The following EXOC4 variants were observed in gnomAD, a reference collection of about 807,000 sequenced individuals.
EXOC4 encodes the protein SEC8-like 1.
In EXOC4, 71 loss-of-function variants were observed where a neutral mutation model predicts 107.2. The observed-to-expected ratio is 0.66, with a 90% CI of 0.55 to 0.81. The LOEUF is 0.81. Among genes scored for constraint, EXOC4 ranks in the 30% least tolerant of loss-of-function variants. The pLI is 0.00. For missense variants in EXOC4, 1,108 were observed against 1,189.6 expected (o/e 0.93, Z 1.01); for synonymous variants, 456 against 441.2 (o/e 1.03, Z -0.42).
In EXOC4 at chr7:133,738,361, T is replaced by C. The variant is rs73150898; in HGVS notation, c.1515-78964T>C. ...ACATGAAGGCTAGAAAAATTAAATG[T>C]GTAGCCTCATTACCTTTGTGGTTAG... On this transcript the variant is annotated intron_variant, in intron 10 of 17. Coordinates refer to ENST00000253861, the MANE Select transcript of EXOC4 (RefSeq NM_021807.4). Among the ~76,000 whole-genome samples, 735 of 152,302 alleles carry C rather than the reference T, an allele frequency of 4.8e-3. 5 individuals are homozygous for C. The highest frequency in any genetic ancestry group is 0.01 in the Middle Eastern group (3 of 294).
At chr7:133,529,100 C>T (rs945555213) in intron 9 of EXOC4, among the ~76,000 whole-genome samples, 4 of 152,122 alleles carry the variant, frequency 2.6e-5, no homozygotes, top group Non-Finnish European at 4.4e-5. Flanking sequence ...TCGTTACCAC[C>T]TAGTGTTCTC....
chr7:133,487,879 G>A (rs1307922048), intron 9 of EXOC4, among the ~76,000 whole-genome samples: 2 of 151,986 alleles, frequency 1.3e-5, no homozygotes, highest in African/African-American at 4.8e-5. Flanking sequence ...TAACAGCTTT[G>A]CTCATCTTAT....
At chr7:134,071,513 G>A (rs912481367), downstream of EXOC4, among the ~76,000 whole-genome samples, 1 of 152,208 alleles carries the variant, frequency 6.6e-6, no homozygotes, top group African/African-American at 2.4e-5. Flanking sequence ...GGTGACAGGT[G>A]ACCACAGACA....
the EXOC4 span, among the ~76,000 whole-genome samples, chr7:134,086,006 G>T: frequency 6.6e-6 from 1 of 152,176 alleles, no homozygotes; most frequent in African/African-American, 2.4e-5. Flanking sequence ...TCGTACTGGA[G>T]CATTGAAAGT....
At chr7:133,623,519 C>T (rs1021632174) in intron 9 of EXOC4, among the ~76,000 whole-genome samples, 1 of 152,128 alleles carries the variant, frequency 6.6e-6, no homozygotes, top group African/African-American at 2.4e-5. Context: ...CCGGGAGAAA[C>T]TATCTTAGGC....
intron 9 of EXOC4, among the ~76,000 whole-genome samples, chr7:133,548,786 ATCT>A (rs1167224649): frequency 1.3e-5 from 2 of 152,158 alleles, no homozygotes; most frequent in Non-Finnish European, 2.9e-5. Flanking sequence ...GGTTGGTTTG[ATCT>A]TCTATCCAGA....
At chr7:133,571,463 T>G (rs1438769181) in intron 9 of EXOC4, among the ~76,000 whole-genome samples, 1 of 152,048 alleles carries the variant, frequency 6.6e-6, no homozygotes, top group African/African-American at 2.4e-5. Flanking sequence ...TCACCTGAGG[T>G]CAGGAGTTTG....
chr7:134,027,597 G>A (rs1426552168), intron 17 of EXOC4, among the ~76,000 whole-genome samples: 2 of 148,350 alleles, frequency 1.3e-5, no homozygotes, highest in Non-Finnish European at 3.0e-5. Flanking sequence ...GGTGGAGGTC[G>A]CAGTGAGCCG....
chr7:133,648,941 C>T (rs573267012), intron 10 of EXOC4, among the ~76,000 whole-genome samples: 1 of 152,206 alleles, frequency 6.6e-6, no homozygotes, highest in African/African-American at 2.4e-5. Flanking sequence ...CCATTTAGTG[C>T]CTTTAATATC....
At position 133,275,002 on chromosome 7, in the gene EXOC4, A is replaced by G. The variant is rs755136661; in HGVS notation, c.107A>G (p.Asp36Gly). 2.5e-6 allele frequency: 4 copies of G among 1,611,092 alleles called. No individual in the cohort carries two copies. The South Asian group carries it at 4.4e-5, about 18-fold the overall frequency. The change falls in exon 2 of 18, where the codon GAT becomes GGT. Residue 36 changes from aspartate to glycine, a missense_variant. Coordinates refer to ENST00000253861, the MANE Select transcript of EXOC4 (RefSeq NM_021807.4). ...ACCAGGACTCTGTCTACTAGTGACGATGTCGAAGACAGGGAAAATGAAAAG... is the reference window on the plus strand; with the variant it reads ...ACCAGGACTCTGTCTACTAGTGACGGTGTCGAAGACAGGGAAAATGAAAAG... The part of the protein sequence containing the change: ...SVIRTLSTSD[D>G]VEDRENEKGR...
chr7:133,908,323 CAG>C (rs1472743055), intron 12 of EXOC4, among the ~76,000 whole-genome samples: 1 of 152,204 alleles, frequency 6.6e-6, no homozygotes, highest in African/African-American at 2.4e-5. Context: ...GATGAAGAAA[CAG>C]AGGTTCAGGA....
chr7:133,315,748 C>G (rs1474249239), intron 4 of EXOC4, among the ~76,000 whole-genome samples: 2 of 152,124 alleles, frequency 1.3e-5, no homozygotes, highest in Non-Finnish European at 2.9e-5. Flanking sequence ...AGTTCAATTC[C>G]TGGTAAATGC....
chr7:133,330,090 G>A (rs1216257213), intron 5 of EXOC4, among the ~76,000 whole-genome samples: 1 of 152,152 alleles, frequency 6.6e-6, no homozygotes, highest in African/African-American at 2.4e-5. Context: ...CCTGACTGGG[G>A]CTGCTGCCTT....
intron 10 of EXOC4, among the ~76,000 whole-genome samples, chr7:133,686,212 C>A (rs1330926724): frequency 1.3e-5 from 2 of 152,176 alleles, no homozygotes; most frequent in African/African-American, 2.4e-5. Context: ...TGACCTTGGA[C>A]TTTCCAGCCT....
chr7:133,619,274 A>G (rs1027500599), intron 9 of EXOC4, among the ~76,000 whole-genome samples: 1 of 152,198 alleles, frequency 6.6e-6, no homozygotes, highest in Admixed American at 6.5e-5. Flanking sequence ...TCTCTTAGTC[A>G]TTTTGAGTTA....
intron 8 of EXOC4, among the ~76,000 whole-genome samples, chr7:133,477,124 C>T (rs11771148): frequency 0.48 from 72,599 of 151,954 alleles, 17,806 homozygotes; most frequent in East Asian, 0.61. Flanking sequence ...CTTGTATTAG[C>T]GTCTGTTTGT....
At chr7:133,676,395 A>G (rs1222390457) in intron 10 of EXOC4, among the ~76,000 whole-genome samples, 1 of 152,196 alleles carries the variant, frequency 6.6e-6, no homozygotes, top group Non-Finnish European at 1.5e-5. Flanking sequence ...GAAGAGCAAC[A>G]TAGAGTAGTT....
At chr7:133,684,334 G>A (rs1378448898) in intron 10 of EXOC4, among the ~76,000 whole-genome samples, 1 of 152,106 alleles carries the variant, frequency 6.6e-6, no homozygotes, top group Admixed American at 6.5e-5. Flanking sequence ...AAAATTGATG[G>A]TTTAAATATT....
intron 7 of EXOC4, among the ~76,000 whole-genome samples, chr7:133,473,279 T>C (rs1056988958): frequency 6.6e-6 from 1 of 152,214 alleles, no homozygotes; most frequent in Non-Finnish European, 1.5e-5. Flanking sequence ...CTAGTACTTA[T>C]CATTATATTA....
Sources: gnomAD v4.1 joint callset for allele counts (sites outside exome capture counted in the v4.1 genomes callset) on GRCh38, gnomAD v4.1.1 for gene constraint, MANE v1.5 for transcripts, NCBI Gene and HGNC (gene_info 2026-07-23, HGNC 2026-07-21) for gene names.